ENOX1: variants seen among roughly 807,000 people sequenced by gnomAD.
The protein encoded by ENOX1 is candidate growth-related and time keeping constitutive hydroquinone (NADH) oxidase.
In ENOX1, 42 loss-of-function variants were observed where a neutral mutation model predicts 82.5. The ratio of observed to expected loss-of-function variants is 0.51; its 90% CI spans 0.40 to 0.66. The LOEUF is 0.66. Among genes scored for constraint, ENOX1 ranks in the 30% least tolerant of loss-of-function variants. The pLI is 0.00. For synonymous variants in ENOX1, 271 were observed against 282.2 expected (o/e 0.96, Z 0.40); for missense variants, 608 against 811.6 (o/e 0.75, Z 3.05).
At chr13:43,660,071 C>T (rs1031481721) in intron 2 of ENOX1, among the ~76,000 whole-genome samples, 13 of 152,210 alleles carry the variant, frequency 8.5e-5, no homozygotes, top group African/African-American at 2.7e-4. Context: ...TCAACCAATA[C>T]TTCTCAACTG....
At chr13:43,617,986 T>C (rs1288913913) in intron 2 of ENOX1, among the ~76,000 whole-genome samples, 2 of 152,194 alleles carry the variant, frequency 1.3e-5, no homozygotes, top group Admixed American at 6.5e-5. Context: ...TGCTCATTAG[T>C]GATGTTAGGC....
chr13:43,687,949 G>T (rs1034197212), intron 1 of ENOX1, among the ~76,000 whole-genome samples: 1 of 152,196 alleles, frequency 6.6e-6, no homozygotes, highest in East Asian at 1.9e-4. Flanking sequence ...ATGTAGGAAG[G>T]GGGAGGAGGA....
At chr13:43,459,866 C>T (rs776114443) in intron 3 of ENOX1, among the ~76,000 whole-genome samples, 18 of 152,026 alleles carry the variant, frequency 1.2e-4, no homozygotes, top group African/African-American at 3.4e-4. Flanking sequence ...TGGTGGCACG[C>T]GCCTGTAGTC....
intron 2 of ENOX1, among the ~76,000 whole-genome samples, chr13:43,579,337 G>T (rs1025335413): frequency 2.6e-5 from 4 of 152,196 alleles, no homozygotes; most frequent in African/African-American, 9.7e-5. Flanking sequence ...GGAGATATTA[G>T]AAAGAAGATT....
intron 11 of ENOX1, among the ~76,000 whole-genome samples, chr13:43,303,854 T>G (rs2046718687): frequency 6.6e-6 from 1 of 152,174 alleles, no homozygotes; most frequent in African/African-American, 2.4e-5. Flanking sequence ...ATTAGCATTC[T>G]TCCAAGTCCC....
At chr13:43,344,936 G>A (rs1408207517) in intron 8 of ENOX1, among the ~76,000 whole-genome samples, 186 bp from the exon 9 acceptor site, 1 of 151,962 alleles carries the variant, frequency 6.6e-6, no homozygotes, top group East Asian at 1.9e-4. Context: ...CTAACTTCAG[G>A]GCACCACAGA....
intron 1 of ENOX1, among the ~76,000 whole-genome samples, chr13:43,775,848 T>C (rs115516332): frequency 0.016 from 2,487 of 152,268 alleles, 74 homozygotes; most frequent in African/African-American, 0.057. Context: ...AGTTGCTCTT[T>C]TGTGCCTCCT....
chr13:43,437,062 G>A (rs537426375), intron 3 of ENOX1, among the ~76,000 whole-genome samples: 5 of 152,090 alleles, frequency 3.3e-5, no homozygotes, highest in African/African-American at 7.2e-5. Flanking sequence ...GACTGGGATC[G>A]AACATTTTGA....
In ENOX1 at chr13:43,382,115, C is replaced by G. The variant is rs992677547; in HGVS notation, c.209-20663G>C. On this transcript the variant is annotated intron_variant, in intron 5 of 16. Transcript: ENST00000690772. ...CATGAACTTTGATGCAAATTCTAAA[C>G]AAAATTTTAGCAAATTGAATATAGT... Among the ~76,000 whole-genome samples the G allele has an allele frequency of 2.5e-4, 38 of 151,994 alleles. 1 individual carries two copies. Among genetic ancestry groups the G allele is most frequent in the African/African-American group, 8.9e-4 (37 of 41,408 alleles).
At chr13:43,421,010 A>T (rs1311595885) in intron 3 of ENOX1, among the ~76,000 whole-genome samples, 1 of 152,194 alleles carries the variant, frequency 6.6e-6, no homozygotes, top group Non-Finnish European at 1.5e-5. Context: ...TATCATGGGG[A>T]ATTTCTGATG....
chr13:43,656,281 G>GC (rs1304027280), intron 2 of ENOX1, among the ~76,000 whole-genome samples: 1 of 152,120 alleles, frequency 6.6e-6, no homozygotes, highest in Non-Finnish European at 1.5e-5. Flanking sequence ...TAGTACTTTT[G>GC]CAAGTATTTG....
chr13:43,441,297 T>A (rs1404791816), intron 3 of ENOX1, among the ~76,000 whole-genome samples: 2 of 152,242 alleles, frequency 1.3e-5, no homozygotes, highest in Non-Finnish European at 1.5e-5. Flanking sequence ...CCTTATTAAC[T>A]AATGACTCCA....
chr13:43,712,577 T>A (rs2087801692), intron 1 of ENOX1, among the ~76,000 whole-genome samples: 2 of 148,494 alleles, frequency 1.3e-5, no homozygotes, highest in South Asian at 2.2e-4. Context: ...TTTGTTTGTA[T>A]CCTCTTTTAT....
chr13:43,256,716 T>C (rs1023162113), intron 14 of ENOX1, among the ~76,000 whole-genome samples: 3 of 152,206 alleles, frequency 2.0e-5, no homozygotes, highest in African/African-American at 7.2e-5. Flanking sequence ...TTAGTGGGAA[T>C]GCAAATTACT....
At chr13:43,412,299 C>A (rs992552325) in intron 4 of ENOX1, among the ~76,000 whole-genome samples, 2 of 152,114 alleles carry the variant, frequency 1.3e-5, no homozygotes, top group South Asian at 2.1e-4. Context: ...TAAGGAGGTA[C>A]CCCTGGAAAA....
intron 1 of ENOX1, among the ~76,000 whole-genome samples, chr13:43,711,188 C>T (rs544330931): frequency 2.0e-5 from 3 of 150,512 alleles, no homozygotes; most frequent in African/African-American, 4.9e-5. Context: ...TTTGTCCTTG[C>T]GATAGTTTGC....
At chr13:43,705,520 C>T (rs1441393735) in intron 1 of ENOX1, among the ~76,000 whole-genome samples, 1 of 151,458 alleles carries the variant, frequency 6.6e-6, no homozygotes, top group Non-Finnish European at 1.5e-5. Flanking sequence ...ATAAGAAAGC[C>T]TGTATGGCTA....
intron 2 of ENOX1, among the ~76,000 whole-genome samples, chr13:43,617,091 A>C (rs1474404354): frequency 6.6e-6 from 1 of 152,168 alleles, no homozygotes; most frequent in Non-Finnish European, 1.5e-5. Context: ...TGAGAGAGAG[A>C]TCTAGAAATT....
chr13:43,682,370 C>T (rs961478413), intron 1 of ENOX1, among the ~76,000 whole-genome samples: 3 of 152,172 alleles, frequency 2.0e-5, no homozygotes, highest in Admixed American at 6.6e-5. Context: ...AACTCAGTTC[C>T]ACGGTCTAAA....
Sources: gnomAD v4.1 joint callset for allele counts (sites outside exome capture counted in the v4.1 genomes callset) on GRCh38, gnomAD v4.1.1 for gene constraint, MANE v1.5 for transcripts, NCBI Gene and HGNC (gene_info 2026-07-23, HGNC 2026-07-21) for gene names.